DIP2C: variants seen among roughly 807,000 people sequenced by gnomAD.
DIP2C encodes disco-interacting protein 2 homolog C.
DIP2C carries 33 observed loss-of-function variants against 192.4 expected under a neutral mutation model. The observed-to-expected ratio is 0.17, with a 90% CI of 0.13 to 0.23. The LOEUF (loss-of-function observed/expected upper bound fraction) is 0.23. Among genes scored for constraint, DIP2C ranks in the 10% least tolerant of loss-of-function variants. DIP2C has a pLI of 1.00. For missense variants in DIP2C, 1,537 were observed against 2,110.1 expected (o/e 0.73, Z 5.32); for synonymous variants, 979 against 864.1 (o/e 1.13, Z -2.33).
rs779879240 is a variant in DIP2C at position 329,568 on chromosome 10, C to T, written c.3618G>A (p.Pro1206=). 2.0e-5 allele frequency: 33 copies of T among 1,613,916 alleles called. No individual in the cohort carries two copies. Among genetic ancestry groups the T allele is most frequent in the South Asian group, 4.4e-5 (4 of 91,066 alleles). ...VYSGHQSILI[P]PSELETNPAL... Reference sequence around the variant, plus strand: ...CGGGGTTGGTTTCCAGCTCAGAGGGCGGGATCAGGATGGACTGGTGCCCAG... The same window carrying T: ...CGGGGTTGGTTTCCAGCTCAGAGGGTGGGATCAGGATGGACTGGTGCCCAG... The change falls in exon 30 of 37, where the codon CCG becomes CCA. Residue 1206 remains proline (P), a synonymous_variant. Coordinates refer to ENST00000280886, the MANE Select transcript of DIP2C (RefSeq NM_014974.3).
At chr10:528,137 C>A (rs189908890) in intron 1 of DIP2C, among the ~76,000 whole-genome samples, 2 of 152,254 alleles carry the variant, frequency 1.3e-5, no homozygotes, top group Middle Eastern at 3.4e-3. Context: ...GAAGGGTTTG[C>A]GAGAGAGAAA....
intron 32 of DIP2C, among the ~76,000 whole-genome samples, chr10:293,778 A>T (rs1033740219): frequency 3.3e-5 from 5 of 152,182 alleles, no homozygotes; most frequent in African/African-American, 7.2e-5. Context: ...CCAAAACCAC[A>T]AACAAAACCA....
chr10:413,969 G>T lies in DIP2C; in HGVS notation c.1001C>A (p.Ala334Glu). The T allele has an allele frequency of 6.2e-7, 1 of 1,614,212 alleles. No individual in the cohort carries two copies. The highest frequency in any genetic ancestry group is 8.5e-7 in the Non-Finnish European group (1 of 1,180,040). ...LQRWGTISPK[A>E]PCLTTMDTNG... ...GGTGTCCATGGTGGTCAGGCAGGGC[G>T]CCTTGGGCGAGATGGTGCCCCACCT... The change falls in exon 8 of 37, where the codon GCG (alanine) becomes GAG (glutamate). Residue 334 changes from alanine (A) to glutamate (E), a missense_variant. Physicochemically the swap from Ala to Glu is moderately radical, Grantham distance 107 (BLOSUM62 -1). Around this residue, in one of 4 missense-constraint regions of DIP2C, gnomAD observed 473 missense variants for 539.6 expected, o/e 0.88. Coordinates refer to ENST00000280886, the MANE Select transcript of DIP2C (RefSeq NM_014974.3).
intron 2 of DIP2C, among the ~76,000 whole-genome samples, chr10:477,868 A>G (rs1564762764): frequency 1.5e-5 from 2 of 136,156 alleles, no homozygotes; most frequent in Non-Finnish European, 3.2e-5. Context: ...AAGGAAGCAG[A>G]GAGAAGAAAA....
intron 7 of DIP2C, 61 bp from the exon 8 acceptor site, chr10:414,171 T>C (rs2133097233): frequency 3.3e-6 from 5 of 1,516,656 alleles, no homozygotes; most frequent in Middle Eastern, 3.5e-4. Context: ...ATGGCTACTT[T>C]TTATTCTTTA....
chr10:563,525 A>G (rs1849319588), intron 1 of DIP2C, among the ~76,000 whole-genome samples: 1 of 152,148 alleles, frequency 6.6e-6, no homozygotes, highest in Non-Finnish European at 1.5e-5. Flanking sequence ...TCCCAAACTA[A>G]GCACCCATCA....
chr10:668,492 AAC>A (rs1483039757), intron 1 of DIP2C: 2 of 151,386 alleles, frequency 1.3e-5, no homozygotes, highest in Non-Finnish European at 2.9e-5. Flanking sequence ...ACATTCATAC[AAC>A]ACAACACTCA....
chr10:323,667 G>T (rs1957129861), intron 31 of DIP2C, among the ~76,000 whole-genome samples: 1 of 152,014 alleles, frequency 6.6e-6, no homozygotes, highest in Non-Finnish European at 1.5e-5. Flanking sequence ...AGGGTAGATG[G>T]GTTTATGACT....
rs2288681 is a variant in DIP2C at position 327,108 on chromosome 10, T to C, written c.3822A>G (p.Ala1274=). The change falls in exon 31 of 37, where the codon GCA becomes GCG. Residue 1274 remains alanine, a synonymous_variant. Coordinates refer to ENST00000280886, the MANE Select transcript of DIP2C (RefSeq NM_014974.3). ...VVVAEERPRI[A]LTQSFSKLFK... The stretch of plus-strand genomic sequence containing the variant: ...ACAGCTTTGAGAACGACTGTGTGAG[T>C]GCGATCCGAGGCCTCTCTTCCGCCA... 0.069 allele frequency: 112,084 copies of C among 1,613,942 alleles called. 5,240 individuals carry two copies. The highest frequency in any genetic ancestry group is 0.19 in the East Asian group (8,415 of 44,858).
chr10:481,660 A>G (rs1026328676), intron 2 of DIP2C, among the ~76,000 whole-genome samples: 2 of 152,256 alleles, frequency 1.3e-5, no homozygotes, highest in Non-Finnish European at 2.9e-5. Context: ...ATAAAACTGC[A>G]GCCCAGATAG....
intron 16 of DIP2C, among the ~76,000 whole-genome samples, chr10:383,092 CCT>C (rs1311917285): frequency 6.6e-6 from 1 of 152,166 alleles, no homozygotes; most frequent in Non-Finnish European, 1.5e-5. Context: ...AGAAAACTTT[CCT>C]CTCTATTAAT....
chr10:610,041 G>GCA (rs1017531567), intron 1 of DIP2C, among the ~76,000 whole-genome samples: 3 of 152,140 alleles, frequency 2.0e-5, no homozygotes, highest in African/African-American at 7.2e-5. Context: ...CTTCAATGCA[G>GCA]CACCGTCCAC....
At chr10:548,470 GGC>G in intron 1 of DIP2C, among the ~76,000 whole-genome samples, 4 of 150,620 alleles carry the variant, frequency 2.7e-5, no homozygotes, top group African/African-American at 9.8e-5. Context: ...GAGGGAGGCA[GGC>G]AGGCAGGCAG....
At chr10:534,745 C>G (rs965499321) in intron 1 of DIP2C, among the ~76,000 whole-genome samples, 2 of 150,662 alleles carry the variant, frequency 1.3e-5, no homozygotes, top group Non-Finnish European at 2.9e-5. Flanking sequence ...GGCGCAATCT[C>G]GGCTCACTGC....
chr10:464,289 A>G (rs1364649425), intron 3 of DIP2C, among the ~76,000 whole-genome samples: 5 of 151,724 alleles, frequency 3.3e-5, no homozygotes, highest in African/African-American at 1.2e-4. Flanking sequence ...GAACTTAAAC[A>G]AATTTACAAG....
rs1958129542 is a variant in DIP2C at position 341,228 on chromosome 10, T to C, written c.3555A>G (p.Gly1185=). ...AGAGGCACCAGAGGACAAATCCCAGTCCACAGTAAGGGTCCAGGCAGATGG... is the reference window on the plus strand; with the variant it reads ...AGAGGCACCAGAGGACAAATCCCAGCCCACAGTAAGGGTCCAGGCAGATGG... ...EVAICLDPYC[G]LGFVLWCLCS... The change falls in exon 29 of 37, where the codon GGA becomes GGG. Residue 1185 remains glycine (G), a synonymous_variant. Coordinates refer to ENST00000280886, the MANE Select transcript of DIP2C (RefSeq NM_014974.3). 1 of 1,613,950 alleles carries C rather than the reference T, an allele frequency of 6.2e-7. No individual in the cohort carries two copies. Among genetic ancestry groups the C allele is most frequent in the Non-Finnish European group, 8.5e-7 (1 of 1,180,020 alleles).
At chr10:570,704 G>C (rs867884613) in intron 1 of DIP2C, among the ~76,000 whole-genome samples, 1 of 152,214 alleles carries the variant, frequency 6.6e-6, no homozygotes, top group Admixed American at 6.5e-5. Context: ...ACTGATTAAA[G>C]TCTGTTGAGA....
At chr10:628,342 G>A (rs964408828) in intron 1 of DIP2C, among the ~76,000 whole-genome samples, 2 of 152,176 alleles carry the variant, frequency 1.3e-5, no homozygotes, top group African/African-American at 2.4e-5. Flanking sequence ...AAATCCACCT[G>A]TGTCACATTC....
At chr10:580,351 A>G (rs898980412) in intron 1 of DIP2C, among the ~76,000 whole-genome samples, 2 of 152,190 alleles carry the variant, frequency 1.3e-5, no homozygotes, top group African/African-American at 2.4e-5. Context: ...GTGTACATGC[A>G]TGCTTACAGT....
Sources: gnomAD v4.1 joint callset for allele counts (sites outside exome capture counted in the v4.1 genomes callset) on GRCh38, gnomAD v4.1.1 for gene constraint, gnomAD v4.1.1 regional missense constraint, MANE v1.5 for transcripts, NCBI Gene and HGNC (gene_info 2026-07-23, HGNC 2026-07-21) for gene names.